CD33: variants seen among roughly 807,000 people sequenced by gnomAD.
The protein encoded by CD33 is myeloid cell surface antigen CD33.
A neutral mutation model predicts 31.4 loss-of-function variants in CD33; 25 were observed. The ratio of observed to expected loss-of-function variants is 0.80; its 90% CI spans 0.58 to 1.11. The LOEUF (loss-of-function observed/expected upper bound fraction) is 1.11, where lower values mean the gene tolerates loss of function less well. Among genes scored for constraint, CD33 ranks in the 50% most tolerant of loss-of-function variants. CD33 has a pLI of 0.00. For missense variants in CD33, 407 were observed against 448.1 expected, an observed-to-expected ratio of 0.91 and a Z score of 0.83; for synonymous variants, 176 against 180.6, an observed-to-expected ratio of 0.97 and a Z score of 0.20.
At chr19:51,224,573 C>A (rs1231157548), upstream of CD33, among the ~76,000 whole-genome samples, 1 of 152,192 alleles carries the variant, frequency 6.6e-6, no homozygotes, top group East Asian at 1.9e-4. Flanking sequence ...CTGTCACTCA[C>A]TATATCTTTA....
At chr19:51,223,255 T>G (rs1486068342), upstream of CD33, among the ~76,000 whole-genome samples, 1 of 152,172 alleles carries the variant, frequency 6.6e-6, no homozygotes, top group Non-Finnish European at 1.5e-5. Flanking sequence ...AATTTTCTAT[T>G]ACGTGCCACA....
chr19:51,220,657 A>C (rs758088652), upstream of CD33, among the ~76,000 whole-genome samples: 17 of 152,192 alleles, frequency 1.1e-4, no homozygotes, highest in Non-Finnish European at 2.2e-4. Context: ...AAGAATACCT[A>C]TAAAGTAACA....
At chr19:51,211,538 G>A in the CD33 span, 1 of 1,527,048 alleles carries the variant, frequency 6.5e-7, no homozygotes, top group Non-Finnish European at 8.8e-7. Context: ...ATGGAGAGAG[G>A]AAGTACCAAA....
the CD33 span, chr19:51,212,054 C>T: frequency 1.2e-5 from 10 of 819,866 alleles, no homozygotes; most frequent in East Asian, 3.5e-4. Flanking sequence ...AGAGAACCAT[C>T]CAACTCAGTG....
chr19:51,211,494 C>T, the CD33 span: 1 of 1,554,440 alleles, frequency 6.4e-7, no homozygotes, highest in South Asian at 1.2e-5. Context: ...TCGTAGACGC[C>T]AGGAGGAGGG....
chr19:51,221,124 C>G (rs530731370), upstream of CD33, among the ~76,000 whole-genome samples: 141 of 152,168 alleles, frequency 9.3e-4, no homozygotes, highest in African/African-American at 3.2e-3. Context: ...TCACATTTCT[C>G]AAAAAAATAT....
intron 6 of CD33, chr19:51,237,672 T>C (rs1981891972): frequency 6.6e-6 from 1 of 152,096 alleles, no homozygotes; most frequent in Non-Finnish European, 1.5e-5. Context: ...GACTGAACAA[T>C]GGTAGGTAGG....
At chr19:51,224,732 G>A (rs557352725), upstream of CD33, among the ~76,000 whole-genome samples, 23 of 152,198 alleles carry the variant, frequency 1.5e-4, no homozygotes, top group African/African-American at 4.1e-4. Flanking sequence ...GCTGCGACTC[G>A]GGCCAGGCCA....
chr19:51,232,542 A>C (rs1981493031), intron 4 of CD33, among the ~76,000 whole-genome samples: 1 of 152,154 alleles, frequency 6.6e-6, no homozygotes, highest in Admixed American at 6.5e-5. Flanking sequence ...CATAATGTGA[A>C]TATTTGCTTG....
the CD33 span, among the ~76,000 whole-genome samples, chr19:51,218,472 AG>A: frequency 6.6e-6 from 1 of 152,230 alleles, no homozygotes; most frequent in South Asian, 2.1e-4. Context: ...TCCATTCTGT[AG>A]GTTGTCTGTT....
At chr19:51,220,920 G>T (rs1383942482), upstream of CD33, among the ~76,000 whole-genome samples, 1 of 152,158 alleles carries the variant, frequency 6.6e-6, no homozygotes, top group African/African-American at 2.4e-5. Flanking sequence ...AAGTTACAGG[G>T]TGATAACACC....
rs1270503150 is a variant in CD33 at position 51,235,595 on chromosome 19, A to C, written c.843A>C (p.Ile281=). 32 of 1,613,436 alleles carry C rather than the reference A, an allele frequency of 2.0e-5. No individual in the cohort carries two copies. The highest frequency in any genetic ancestry group is 2.3e-5 in the Non-Finnish European group (27 of 1,179,706). Residue 281 remains isoleucine (I), a splice_region_variant and synonymous_variant, in exon 6 of 7, where the codon ATA becomes ATC. Transcript: ENST00000262262. ...CAAAGACCCTGGTGTCTCCCATCAG[A>C]GTGAAGACCCACAGGAGGAAAGCAG... ...LALCLCLIFF[I]VKTHRRKAAR...
chr19:51,237,867 C>T (rs531379416), intron 6 of CD33: 1 of 152,306 alleles, frequency 6.6e-6, no homozygotes, highest in South Asian at 2.1e-4. Flanking sequence ...ATAGAAGATA[C>T]ACAGATAATC....
In CD33 at chr19:51,226,298, TC is replaced by T; in HGVS notation, c.698-9del. 1 of 1,613,234 alleles carries T rather than the reference TC, an allele frequency of 6.2e-7. No homozygotes were observed. The highest frequency in any genetic ancestry group is 1.1e-5 in the South Asian group (1 of 91,070). On this transcript the variant is annotated splice_polypyrimidine_tract_variant and intron_variant, in intron 3 of 6. Coordinates refer to ENST00000262262, the MANE Select transcript of CD33 (RefSeq NM_001772.4). ...CCCCCAACTGAAGGAAATCCTCTCT[TC>T]CTCTCCTAGATGTTCCACAGAACCC...
upstream of CD33, among the ~76,000 whole-genome samples, chr19:51,223,268 C>T (rs146731068): frequency 6.6e-6 from 1 of 152,008 alleles, no homozygotes; most frequent in Admixed American, 6.5e-5. Flanking sequence ...GTGCCACATG[C>T]TAAATATTTA....
chr19:51,213,487 A>G, the CD33 span, among the ~76,000 whole-genome samples: 1 of 152,096 alleles, frequency 6.6e-6, no homozygotes, highest in Non-Finnish European at 1.5e-5. Flanking sequence ...TCTTGCAAAA[A>G]TTCTCATTTT....
Position 51,225,481 on chromosome 19 carries a change from T to A in CD33, c.301T>A (p.Cys101Ser). 1 of 1,613,868 alleles carries A rather than the reference T, an allele frequency of 6.2e-7. No homozygotes were observed. The change falls in exon 2 of 7, where the codon TGC becomes AGC. Residue 101 changes from cysteine to serine, a missense_variant. Coordinates refer to ENST00000262262, the MANE Select transcript of CD33 (RefSeq NM_001772.4). ...RLLGDPSRNN[C>S]SLSIVDARRR... ...CCTTGGGGATCCCAGTAGGAACAAC[T>A]GCTCCCTGAGCATCGTAGACGCCAG...
At chr19:51,214,481 C>T in the CD33 span, among the ~76,000 whole-genome samples, 5 of 152,178 alleles carry the variant, frequency 3.3e-5, no homozygotes, top group Non-Finnish European at 7.3e-5. Flanking sequence ...CAGGCGTGAG[C>T]CACTGTGCCA....
At chr19:51,226,185 A>G in intron 3 of CD33, 104 bp downstream of exon 3, 2 of 1,526,564 alleles carry the variant, frequency 1.3e-6, no homozygotes, top group East Asian at 4.5e-5. Context: ...TGAGTTCGGG[A>G]GCCAGAAGGA....
Sources: allele counts gnomAD v4.1 joint callset (sites outside exome capture counted in the v4.1 genomes callset), GRCh38; gene constraint gnomAD v4.1.1; transcripts MANE v1.5; gene names NCBI Gene and HGNC (gene_info 2026-07-23, HGNC 2026-07-21).